Variants in HIVEP2 observed in about 807,000 individuals in gnomAD.
HIVEP2 encodes the protein HIVEP zinc finger 2, also known as transcription factor HIVEP2.
In HIVEP2, 14 loss-of-function variants were observed where a neutral mutation model predicts 180.7. The observed-to-expected ratio is 0.08, with a 90% confidence interval of 0.05 to 0.12. HIVEP2 has a LOEUF of 0.12. Among genes scored for constraint, HIVEP2 ranks in the 10% least tolerant of loss-of-function variants. HIVEP2 has a pLI of 1.00. For synonymous variants in HIVEP2, 1,184 were observed against 1,136.4 expected (o/e 1.04, Z -0.84); for missense variants, 2,579 against 3,008.5 (o/e 0.86, Z 3.34).
rs375718000 is a variant in HIVEP2 at position 142,907,044 on chromosome 6, C to T, written c.-641+38055G>A. 2.5e-4 allele frequency among the ~76,000 whole-genome samples: 38 copies of T among 152,292 alleles called. No individual in the cohort carries two copies. In the East Asian group the frequency reaches 6.7e-3, roughly 27 times the overall value. Reference sequence around the variant, plus strand: ...AATGACTGTTCCACAGGAGAGTTCACCAATGGCCAGATCTCTGTAACCAAA... The same window carrying T: ...AATGACTGTTCCACAGGAGAGTTCATCAATGGCCAGATCTCTGTAACCAAA... On this transcript the variant is annotated intron_variant, in intron 1 of 9. Transcript: ENST00000367603.
In HIVEP2 at chr6:142,753,858, G is replaced by C. The variant is rs1201204379; in HGVS notation, c.6590C>G (p.Pro2197Arg). The C allele has an allele frequency of 1.9e-6, 3 of 1,613,470 alleles. No homozygotes were observed. In the African/African-American group the frequency reaches 4.0e-5, roughly 22 times the overall value. The part of the protein sequence containing the change: ...YGDQEGAYEH[P>R]GSSLFPEGPN... ...ACCCTCAGGGAAAAGGCTGGAGCCTGGATGTTCATAAGCACCTTCTTGGTC... is the reference window on the plus strand; with the variant it reads ...ACCCTCAGGGAAAAGGCTGGAGCCTCGATGTTCATAAGCACCTTCTTGGTC... Residue 2197 changes from proline to arginine, a missense_variant, in exon 10 of 10, where the codon CCA (proline) becomes CGA (arginine). Transcript: ENST00000367603.
rs169098 is a variant in HIVEP2 at position 142,753,563 on chromosome 6, T to C, written c.6885A>G (p.Pro2295=). The C allele has an allele frequency of 0.66, 1,066,807 of 1,613,816 alleles. 355,760 individuals carry two copies. The highest frequency in any genetic ancestry group is 0.84 in the African/African-American group (63,191 of 75,014). Residue 2295 remains proline (P), a synonymous_variant, in exon 10 of 10, where the codon CCA becomes CCG. Transcript: ENST00000367603. ...GCCGAGGAGAGGAGGGAGTGCTAGG[T>C]GGACCAGATGACTGCAAAGCGTGAG... ...RGPHALQSSG[P]PSTPSSPRLL...
At chr6:142,933,365 T>C (rs1272433760) in intron 1 of HIVEP2, among the ~76,000 whole-genome samples, 2 of 152,204 alleles carry the variant, frequency 1.3e-5, no homozygotes, top group Non-Finnish European at 2.9e-5. Context: ...ATGTTAGATA[T>C]ACTGTTTGGC....
chr6:142,941,675 T>A (rs538209150), intron 1 of HIVEP2, among the ~76,000 whole-genome samples: 5 of 152,340 alleles, frequency 3.3e-5, no homozygotes, highest in Admixed American at 3.3e-4. Flanking sequence ...TGAAGTTCCT[T>A]ATGAAACCTT....
chr6:142,855,500 A>G (rs1775795553), intron 1 of HIVEP2, among the ~76,000 whole-genome samples: 1 of 152,248 alleles, frequency 6.6e-6, no homozygotes, highest in Admixed American at 6.5e-5. Flanking sequence ...ATCACAAACA[A>G]AAACAAAATG....
At chr6:142,854,896 T>C (rs1467535290) in intron 1 of HIVEP2, among the ~76,000 whole-genome samples, 1 of 152,164 alleles carries the variant, frequency 6.6e-6, no homozygotes, top group Non-Finnish European at 1.5e-5. Context: ...GGAAAAAGAA[T>C]GAAAGCAGGC....
chr6:142,832,928 C>A (rs1008462731), intron 2 of HIVEP2, among the ~76,000 whole-genome samples: 1 of 152,162 alleles, frequency 6.6e-6, no homozygotes, highest in African/African-American at 2.4e-5. Flanking sequence ...CCTCAAGATT[C>A]CCTAAAAGTA....
chr6:142,759,258 G>A (rs553754187), intron 9 of HIVEP2, among the ~76,000 whole-genome samples: 322 of 152,110 alleles, frequency 2.1e-3, no homozygotes, highest in Non-Finnish European at 3.9e-3. Context: ...AGCCAAAGTC[G>A]TGCCACTGCA....
chr6:142,810,182 C>T (rs562875870), intron 2 of HIVEP2, among the ~76,000 whole-genome samples: 42 of 152,304 alleles, frequency 2.8e-4, no homozygotes, highest in Non-Finnish European at 2.1e-4. Context: ...ACAGAGCTCC[C>T]AGCCATTGGT....
At chr6:142,843,047 A>T (rs1426261613) in intron 1 of HIVEP2, among the ~76,000 whole-genome samples, 1 of 152,238 alleles carries the variant, frequency 6.6e-6, no homozygotes, top group African/African-American at 2.4e-5. Context: ...CTGAATGTCT[A>T]TAGGGCCTCT....
chr6:142,898,353 C>A (rs1313566163), intron 1 of HIVEP2, among the ~76,000 whole-genome samples: 1 of 152,138 alleles, frequency 6.6e-6, no homozygotes, highest in Non-Finnish European at 1.5e-5. Flanking sequence ...ACCACAGATA[C>A]AATAAATCTA....
At chr6:142,903,324 T>A (rs888886379) in intron 1 of HIVEP2, among the ~76,000 whole-genome samples, 1 of 152,250 alleles carries the variant, frequency 6.6e-6, no homozygotes, top group Non-Finnish European at 1.5e-5. Flanking sequence ...TGCCAGTTAG[T>A]AAGCATAAAT....
At position 142,892,002 on chromosome 6, in the gene HIVEP2, AAGG is replaced by A. The variant is rs1345315267; in HGVS notation, c.-641+53094_-641+53096del. Among the ~76,000 whole-genome samples, 3 of 152,312 alleles carry A rather than the reference AAGG, an allele frequency of 2.0e-5. No individual in the cohort carries two copies. In the East Asian group the frequency reaches 5.8e-4, roughly 29 times the overall value. On this transcript the variant is annotated intron_variant, in intron 1 of 9. Coordinates refer to ENST00000367603, the MANE Select transcript of HIVEP2 (RefSeq NM_006734.4). The stretch of plus-strand genomic sequence containing the variant: ...GCCAGTAAAAACATTCCCTAGAAGA[AAGG>A]CTAGCTGACACATGCAGGCACAGGG...
At chr6:142,924,922 T>C (rs1157567405) in intron 1 of HIVEP2, among the ~76,000 whole-genome samples, 1 of 152,210 alleles carries the variant, frequency 6.6e-6, no homozygotes, top group Non-Finnish European at 1.5e-5. Context: ...TTATTGTTCA[T>C]ACAAATCTGG....
chr6:142,945,612 A>T (rs1016019874), upstream of HIVEP2, among the ~76,000 whole-genome samples: 1 of 152,180 alleles, frequency 6.6e-6, no homozygotes, highest in Non-Finnish European at 1.5e-5. The surrounding 1 kb of genome is among the most constrained non-coding windows in gnomAD (Gnocchi z 5.5). Flanking sequence ...GCTGTGAACG[A>T]GCCGGGAGAC....
At chr6:142,931,308 A>G (rs1004198555) in intron 1 of HIVEP2, among the ~76,000 whole-genome samples, 5 of 151,692 alleles carry the variant, frequency 3.3e-5, no homozygotes, top group African/African-American at 4.8e-5. Context: ...TGCTATATAG[A>G]TAGCAGTCTT....
At chr6:142,925,301 A>G (rs1684622721) in intron 1 of HIVEP2, among the ~76,000 whole-genome samples, 1 of 152,226 alleles carries the variant, frequency 6.6e-6, no homozygotes, top group African/African-American at 2.4e-5. Flanking sequence ...TTTAACTGTA[A>G]GAGTGTACTA....
chr6:142,911,139 TAAA>T (rs5880554), intron 1 of HIVEP2, among the ~76,000 whole-genome samples: 8 of 106,222 alleles, frequency 7.5e-5, no homozygotes, highest in Admixed American at 1.9e-4. Context: ...ACAAACACAT[TAAA>T]AAAAAAAAAA....
At chr6:142,892,030 G>A (rs759336154) in intron 1 of HIVEP2, among the ~76,000 whole-genome samples, 3 of 152,188 alleles carry the variant, frequency 2.0e-5, no homozygotes, top group East Asian at 3.9e-4. Flanking sequence ...CAGGCACAGG[G>A]GTCCCAGGGA....
Sources: gnomAD v4.1 joint callset for allele counts (sites outside exome capture counted in the v4.1 genomes callset) on GRCh38, gnomAD v4.1.1 for gene constraint, Gnocchi (gnomAD v3.1) non-coding constraint, MANE v1.5 for transcripts, NCBI Gene and HGNC (gene_info 2026-07-23, HGNC 2026-07-21) for gene names.